Variants in PDZD2 observed in about 807,000 individuals in gnomAD.
PDZD2 encodes PDZ domain containing 2.
In PDZD2, 90 loss-of-function variants were observed where a neutral mutation model predicts 220.7. That is an observed-to-expected ratio of 0.41 (90% CI 0.34 to 0.49). The LOEUF is 0.49. Ranked by LOEUF, PDZD2 falls within the 20% of genes least tolerant of loss-of-function variation. The probability of loss-of-function intolerance (pLI) is 0.28; values close to 1 mark genes in which losing one functional copy is unlikely to be tolerated. For missense variants in PDZD2, 3,174 were observed against 3,608.5 expected (o/e 0.88, Z 3.08); for synonymous variants, 1,375 against 1,450.5 (o/e 0.95, Z 1.18).
intron 2 of PDZD2, among the ~76,000 whole-genome samples, chr5:31,929,549 A>T (rs1009913938): frequency 1.1e-4 from 16 of 152,212 alleles, no homozygotes; most frequent in African/African-American, 3.9e-4. Context: ...GCACAGATAC[A>T]TGAAAAAGAG....
At chr5:31,704,551 C>A (rs1250097607) in intron 1 of PDZD2, among the ~76,000 whole-genome samples, 3 of 152,198 alleles carry the variant, frequency 2.0e-5, no homozygotes, top group Non-Finnish European at 4.4e-5. Flanking sequence ...TTAACTAGTG[C>A]TCTTTTCATC....
rs142874383 is a variant in PDZD2 at position 31,856,719 on chromosome 5, T to C, written c.476+56995T>C. ...TCGTTGAAGAGAATGGTGAGTCCATTGCACTGTTTCCTGGGACATCAAGGT... is the reference window on the plus strand; with the variant it reads ...TCGTTGAAGAGAATGGTGAGTCCATCGCACTGTTTCCTGGGACATCAAGGT... On this transcript the variant is annotated intron_variant, in intron 2 of 24. Transcript: ENST00000438447. Among the ~76,000 whole-genome samples the C allele has an allele frequency of 6.4e-3, 981 of 152,204 alleles. 2 individuals are homozygous for C. The highest frequency in any genetic ancestry group is 9.7e-3 in the Non-Finnish European group (657 of 68,008).
At chr5:31,992,734 G>C (rs1363555179) in intron 3 of PDZD2, among the ~76,000 whole-genome samples, 3 of 151,992 alleles carry the variant, frequency 2.0e-5, no homozygotes, top group African/African-American at 7.3e-5. Flanking sequence ...GTTGCTCTTG[G>C]GAAAGAGGTT....
At chr5:31,755,991 A>G (rs924296446) in intron 1 of PDZD2, among the ~76,000 whole-genome samples, 2 of 152,168 alleles carry the variant, frequency 1.3e-5, no homozygotes, top group African/African-American at 4.8e-5. Flanking sequence ...AACTGCCTTC[A>G]GATGTCTTTA....
chr5:31,857,821 A>G (rs973940130), intron 2 of PDZD2, among the ~76,000 whole-genome samples: 1 of 151,090 alleles, frequency 6.6e-6, no homozygotes, highest in Admixed American at 6.6e-5. Flanking sequence ...GTGTGTGTGT[A>G]TTTTTATTTT....
rs371935614 is a variant in PDZD2, at chr5:32,074,170, C to T, written c.3064C>T (p.Arg1022Trp). 3.2e-5 allele frequency: 51 copies of T among 1,614,138 alleles called. No individual in the cohort carries two copies. The African/African-American group carries it at 5.2e-4, about 16-fold the overall frequency. ...CGTCCACAACCAAGAGGAACGACCC[C>T]GGAAAACACTGGTGAGCAAGGCCAT... ...MDVHNQEERP[R>W]KTLVSKAISA... Residue 1022 changes from arginine to tryptophan, a missense_variant, in exon 18 of 25, where the codon CGG becomes TGG. Physicochemically the swap from Arg to Trp is moderately radical, Grantham distance 101 (BLOSUM62 -3). Transcript: ENST00000438447.
chr5:31,921,419 C>T (rs1165946414), intron 2 of PDZD2, among the ~76,000 whole-genome samples: 1 of 152,120 alleles, frequency 6.6e-6, no homozygotes, highest in African/African-American at 2.4e-5. Flanking sequence ...TGCAGTGGCT[C>T]ACGCCTGTAA....
intron 1 of PDZD2, among the ~76,000 whole-genome samples, chr5:31,715,712 G>A (rs1310535265): frequency 6.6e-6 from 1 of 152,218 alleles, no homozygotes; most frequent in African/African-American, 2.4e-5. Context: ...AGTATAATTT[G>A]TTGAGCATTC....
At chr5:31,769,780 G>A (rs1301578345) in intron 1 of PDZD2, among the ~76,000 whole-genome samples, 1 of 152,208 alleles carries the variant, frequency 6.6e-6, no homozygotes, top group Non-Finnish European at 1.5e-5. Flanking sequence ...GGGTTGTGGT[G>A]AGGAACTTCA....
At chr5:31,729,096 A>C (rs866050387) in intron 1 of PDZD2, among the ~76,000 whole-genome samples, 34 of 123,782 alleles carry the variant, frequency 2.7e-4, no homozygotes, top group Admixed American at 8.2e-4. Context: ...AAGTGATCGA[A>C]ATCTTTTTTT....
intron 1 of PDZD2, among the ~76,000 whole-genome samples, chr5:31,779,373 C>CTTTTTTTT (rs58290929): frequency 5.6e-5 from 6 of 106,648 alleles, no homozygotes; most frequent in Non-Finnish European, 9.3e-5. Flanking sequence ...TTGTGAATCT[C>CTTTTTTTT]TTTTTTTTTT....
At position 31,647,145 on chromosome 5, in the gene PDZD2, C is replaced by T. The variant is rs575713544; in HGVS notation, c.-361+7708C>T. Among the ~76,000 whole-genome samples the T allele has an allele frequency of 2.0e-5, 3 of 152,284 alleles. No individual in the cohort carries two copies. In the South Asian group the frequency reaches 6.2e-4, roughly 32 times the overall value. On this transcript the variant is annotated intron_variant, in intron 1 of 24. Coordinates refer to ENST00000438447, the MANE Select transcript of PDZD2 (RefSeq NM_178140.4). ...CCTCACCTGCTCAGCTTCCCAGGCTCCGTCTTTATCTTGAGGATCTCTGAA... is the reference window on the plus strand; with the variant it reads ...CCTCACCTGCTCAGCTTCCCAGGCTTCGTCTTTATCTTGAGGATCTCTGAA...
intron 14 of PDZD2, among the ~76,000 whole-genome samples, chr5:32,064,197 T>G (rs1289822464): frequency 6.6e-6 from 1 of 152,132 alleles, no homozygotes; most frequent in Non-Finnish European, 1.5e-5. Context: ...TTTTGTTTGT[T>G]TTTGGACGCA....
At chr5:32,075,755 A>AT (rs1321637205) in intron 18 of PDZD2, among the ~76,000 whole-genome samples, 2 of 152,240 alleles carry the variant, frequency 1.3e-5, no homozygotes, top group East Asian at 3.8e-4. Flanking sequence ...GAGATGACTT[A>AT]TAAAGCCATA....
intron 1 of PDZD2, among the ~76,000 whole-genome samples, chr5:31,657,828 C>T (rs892719442): frequency 1.3e-5 from 2 of 152,130 alleles, no homozygotes; most frequent in Non-Finnish European, 2.9e-5. Context: ...TTGTGTGCTG[C>T]TCCCGGCAAC....
At position 31,943,901 on chromosome 5, in the gene PDZD2, G is replaced by A. The variant is rs148224865; in HGVS notation, c.477-39254G>A. ...TTTGGTATTTCCTTCAATAATGGAT[G>A]TAGGCAACAAAGGACAGTAGTATTA... On this transcript the variant is annotated intron_variant, in intron 2 of 24. Transcript: ENST00000438447. Among the ~76,000 whole-genome samples the A allele has an allele frequency of 2.3e-3, 345 of 152,334 alleles. 2 individuals carry two copies. Among genetic ancestry groups the A allele is most frequent in the African/African-American group, 8.1e-3 (338 of 41,588 alleles).
At chr5:31,751,228 C>G (rs139595982) in intron 1 of PDZD2, among the ~76,000 whole-genome samples, 1 of 126,852 alleles carries the variant, frequency 7.9e-6, no homozygotes, top group Non-Finnish European at 1.7e-5. Context: ...GTGACAAGAG[C>G]GAAAGTACAT....
chr5:31,884,836 T>G (rs974913963), intron 2 of PDZD2, among the ~76,000 whole-genome samples: 1 of 151,654 alleles, frequency 6.6e-6, no homozygotes, highest in Non-Finnish European at 1.5e-5. Context: ...AGAGATAGAG[T>G]TTTGCCATGT....
At chr5:31,942,225 C>T (rs530403229) in intron 2 of PDZD2, among the ~76,000 whole-genome samples, 147 of 152,258 alleles carry the variant, frequency 9.7e-4, no homozygotes, top group African/African-American at 3.5e-3. Context: ...ATGATTAGCC[C>T]TGGAACCAAG....
Sources: allele counts gnomAD v4.1 joint callset (sites outside exome capture counted in the v4.1 genomes callset), GRCh38; gene constraint gnomAD v4.1.1; transcripts MANE v1.5; gene names NCBI Gene and HGNC (gene_info 2026-07-23, HGNC 2026-07-21).